The following FAM107B variants were observed in gnomAD, a reference collection of about 807,000 sequenced individuals.
The protein encoded by FAM107B is protein FAM107B.
FAM107B carries 21 observed loss-of-function variants against 31.5 expected under a neutral mutation model. That is an observed-to-expected ratio of 0.67 (90% CI 0.47 to 0.96). FAM107B has a LOEUF of 0.96. Ranked by LOEUF, FAM107B falls within the 40% of genes least tolerant of loss-of-function variation. FAM107B has a pLI of 0.00. For synonymous variants in FAM107B, 157 were observed against 141.5 expected, an observed-to-expected ratio of 1.11 and a Z score of -0.78; for missense variants, 452 against 377.1, an observed-to-expected ratio of 1.20 and a Z score of -1.64.
chr10:14,757,106 A>G (rs897029008), intron 1 of FAM107B, among the ~76,000 whole-genome samples: 1 of 152,142 alleles, frequency 6.6e-6, no homozygotes, highest in Non-Finnish European at 1.5e-5. Context: ...CCCCCATGAC[A>G]CAAGTTTACA....
At chr10:14,524,005 C>A (rs1845947869) in intron 3 of FAM107B, among the ~76,000 whole-genome samples, 1 of 150,992 alleles carries the variant, frequency 6.6e-6, no homozygotes, top group Non-Finnish European at 1.5e-5. Context: ...TAGCTGGGAC[C>A]ACAGGCACAT....
chr10:14,544,402 G>A (rs926488790), intron 2 of FAM107B, among the ~76,000 whole-genome samples: 4 of 152,096 alleles, frequency 2.6e-5, no homozygotes, highest in Non-Finnish European at 4.4e-5. Flanking sequence ...ATTCTTCCTA[G>A]TTTTTCCTGA....
At chr10:14,639,096 A>C (rs1338087500) in intron 2 of FAM107B, among the ~76,000 whole-genome samples, 1 of 152,016 alleles carries the variant, frequency 6.6e-6, no homozygotes, top group Non-Finnish European at 1.5e-5. Context: ...TGGGGGGTTG[A>C]GGGGGGAGGA....
chr10:14,629,144 C>T (rs185170733), intron 2 of FAM107B, among the ~76,000 whole-genome samples: 1 of 143,358 alleles, frequency 7.0e-6, no homozygotes, highest in Non-Finnish European at 1.5e-5. Context: ...AGGAGTTTAA[C>T]TTTCTAAGTG....
intron 1 of FAM107B, among the ~76,000 whole-genome samples, chr10:14,676,249 G>T (rs1403036359): frequency 6.6e-6 from 1 of 151,866 alleles, no homozygotes; most frequent in African/African-American, 2.4e-5. Context: ...GTTACTGGAC[G>T]TAATTTTAGA....
intron 2 of FAM107B, chr10:14,572,068 T>A: frequency 1.0e-6 from 1 of 985,412 alleles, no homozygotes; most frequent in Non-Finnish European, 1.2e-6. Flanking sequence ...CAAAGAACTC[T>A]CTTTCTGGAT....
chr10:14,652,033 T>C (rs1028429096), intron 2 of FAM107B, among the ~76,000 whole-genome samples: 2 of 152,182 alleles, frequency 1.3e-5, no homozygotes, highest in African/African-American at 4.8e-5. Flanking sequence ...ACAGAAGTTG[T>C]ACAGTCGGAG....
At chr10:14,699,399 T>C (rs1423108946) in intron 1 of FAM107B, among the ~76,000 whole-genome samples, 1 of 151,894 alleles carries the variant, frequency 6.6e-6, no homozygotes, top group Non-Finnish European at 1.5e-5. Context: ...CCAGAGCAAG[T>C]CCCAGGGAAC....
At chr10:14,719,099 G>A (rs11259290) in intron 1 of FAM107B, among the ~76,000 whole-genome samples, 4 of 152,200 alleles carry the variant, frequency 2.6e-5, no homozygotes, top group Non-Finnish European at 2.9e-5. Context: ...AGTGGTAGGA[G>A]GGGATGTGCC....
intron 1 of FAM107B, among the ~76,000 whole-genome samples, chr10:14,758,776 T>C (rs1372894191): frequency 6.8e-6 from 1 of 147,262 alleles, no homozygotes; most frequent in Admixed American, 7.0e-5. Flanking sequence ...TTTGGGAGGC[T>C]GAGGCGAGAG....
chr10:14,531,522 A>G (rs548846277), intron 2 of FAM107B, among the ~76,000 whole-genome samples: 1 of 135,564 alleles, frequency 7.4e-6, no homozygotes, highest in African/African-American at 2.9e-5. Flanking sequence ...GCAAGACCTC[A>G]TATCTCTAAA....
chr10:14,674,974 G>C (rs1351787673), intron 1 of FAM107B, among the ~76,000 whole-genome samples: 1 of 152,182 alleles, frequency 6.6e-6, no homozygotes, highest in Admixed American at 6.5e-5. Context: ...TTACAGGCAT[G>C]AGCCATTGTG....
At chr10:14,743,407 T>C (rs767148104) in intron 1 of FAM107B, among the ~76,000 whole-genome samples, 3 of 152,208 alleles carry the variant, frequency 2.0e-5, no homozygotes, top group African/African-American at 4.8e-5. Context: ...TTTTGATGTT[T>C]TCATCATGAA....
intron 2 of FAM107B, among the ~76,000 whole-genome samples, chr10:14,583,460 A>C (rs1851720131): frequency 1.3e-5 from 2 of 152,136 alleles, no homozygotes. Flanking sequence ...ACCCAAGCTC[A>C]CCTTAGCGGG....
At chr10:14,656,538 C>A (rs1854060460) in intron 2 of FAM107B, among the ~76,000 whole-genome samples, 2 of 152,104 alleles carry the variant, frequency 1.3e-5, no homozygotes, top group African/African-American at 4.8e-5. Flanking sequence ...TCCTGGCATG[C>A]AATACAAGTT....
intron 2 of FAM107B, chr10:14,554,199 C>T (rs1345128847): frequency 1.0e-6 from 1 of 975,404 alleles, no homozygotes; most frequent in Non-Finnish European, 1.2e-6. Context: ...CTCCCACTGC[C>T]TTACTCCACA....
At chr10:14,679,072 TCCTGC>T (rs1854763841) in intron 1 of FAM107B, among the ~76,000 whole-genome samples, 1 of 152,148 alleles carries the variant, frequency 6.6e-6, no homozygotes, top group African/African-American at 2.4e-5. Flanking sequence ...CAAATCCCAG[TCCTGC>T]CATGCAGGAA....
chr10:14,628,056 G>A (rs1020101185), intron 2 of FAM107B, among the ~76,000 whole-genome samples: 32 of 151,240 alleles, frequency 2.1e-4, no homozygotes, highest in African/African-American at 7.8e-4. Flanking sequence ...TAGTTATGCT[G>A]GAAGTCCATA....
chr10:14,601,952 T>C (rs997318326), intron 2 of FAM107B, among the ~76,000 whole-genome samples: 8 of 152,150 alleles, frequency 5.3e-5, no homozygotes, highest in African/African-American at 1.7e-4. Flanking sequence ...ACGGCGTCCA[T>C]CCTCCCACAT....
Sources: allele counts gnomAD v4.1 joint callset (sites outside exome capture counted in the v4.1 genomes callset), GRCh38; gene constraint gnomAD v4.1.1; transcripts MANE v1.5; gene names NCBI Gene and HGNC (gene_info 2026-07-23, HGNC 2026-07-21).